The following AFF2 variants were observed in gnomAD, a reference collection of about 807,000 sequenced individuals.
AFF2 encodes ALF transcription elongation factor 2, also known as AF4/FMR2 family member 2.
In AFF2, 14 loss-of-function variants were observed where a neutral mutation model predicts 76.9. The observed-to-expected ratio is 0.18, with a 90% confidence interval of 0.12 to 0.28. The LOEUF is 0.28. Ranked by LOEUF, AFF2 falls within the 10% of genes least tolerant of loss-of-function variation. AFF2 has a pLI of 1.00. For synonymous variants in AFF2, 398 were observed against 366.7 expected (o/e 1.09, Z -0.98); for missense variants, 868 against 1,001.1 (o/e 0.87, Z 1.79).
rs1172375356 is a variant in AFF2 at position 148,993,420 on chromosome X, CTT to C, written c.*2090_*2091del. ...GACTTTGCAGTGACTCAAGTTGTCTCTTTATCATGGTTTACCAGGTAGAGTGC... is the reference window on the plus strand; with the variant it reads ...GACTTTGCAGTGACTCAAGTTGTCTCTATCATGGTTTACCAGGTAGAGTGC... On this transcript the variant is annotated 3_prime_UTR_variant, in exon 21 of 21. Coordinates refer to ENST00000370460, the MANE Select transcript of AFF2 (RefSeq NM_002025.4). The C allele has an allele frequency of 8.9e-6, 1 of 112,182 alleles. No homozygotes were observed. The highest frequency in any genetic ancestry group is 9.4e-5 in the Admixed American group (1 of 10,589). The allele number at this position is 112,182 out of a possible 1,213,427, so 9.2% of individuals were successfully genotyped here. A position where few individuals can be genotyped will look rare whatever the true frequency, so the allele number is the denominator to read the frequency against.
In AFF2 at chrX:148,501,133, G is replaced by T; in HGVS notation, c.36G>T (p.Leu12Phe). 8.3e-7 allele frequency: 1 copy of T among 1,211,072 alleles called. No individual in the cohort carries two copies. The highest frequency in any genetic ancestry group is 1.1e-6 in the Non-Finnish European group (1 of 894,969). ...TCGACTTTTTCAGAGACTGGGACTT[G>T]GAGCAGCAGTGGTAGGTGTTGATTT... ...DLFDFFRDWD[L>F]EQQCHYEQDR... is the part of the protein sequence containing the mutation. The change falls in exon 1 of 21, where the codon TTG becomes TTT. Residue 12 changes from leucine (L) to phenylalanine (F), a missense_variant. Physicochemically the swap from Leu to Phe is conservative, Grantham distance 22 (BLOSUM62 0). Around this residue, in one of 6 missense-constraint regions of AFF2, gnomAD observed 196 missense variants for 194.8 expected, o/e 1.01. Coordinates refer to ENST00000370460, the MANE Select transcript of AFF2 (RefSeq NM_002025.4).
chrX:148,581,428 A>G lies in AFF2; in HGVS notation c.48-70571A>G, dbSNP rs1377130531. 9.5e-5 allele frequency among the ~76,000 whole-genome samples: 6 copies of G among 63,179 alleles called. 2 individuals carry two copies. Among genetic ancestry groups the G allele is most frequent in the African/African-American group, 2.5e-4 (5 of 19,695 alleles). The allele number at this position is 63,179 out of a possible 115,157, so 54.9% of individuals were successfully genotyped here. ...TGTACACACATATACGTATACGTCT[A>G]CGTGTACACACATATATACGTATAC... On this transcript the variant is annotated intron_variant, in intron 1 of 20. Coordinates refer to ENST00000370460, the MANE Select transcript of AFF2 (RefSeq NM_002025.4).
chrX:148,720,290 C>T (rs1323863487), intron 3 of AFF2, among the ~76,000 whole-genome samples: 4 of 110,304 alleles, frequency 3.6e-5, no homozygotes, highest in African/African-American at 9.9e-5. Context: ...AGAAACCATG[C>T]GCAAATGTAC....
At chrX:148,541,569 A>G (rs1479448899) in intron 1 of AFF2, among the ~76,000 whole-genome samples, 4 of 111,606 alleles carry the variant, frequency 3.6e-5, no homozygotes, top group Admixed American at 2.9e-4. Flanking sequence ...TCAAAAAGGC[A>G]TCTTCTTTTT....
chrX:148,837,063 C>T (rs782773191), intron 4 of AFF2, among the ~76,000 whole-genome samples: 1 of 111,779 alleles, frequency 8.9e-6, no homozygotes, highest in Non-Finnish European at 1.9e-5. Flanking sequence ...CAGAAGGCAG[C>T]GACAGTACTG....
chrX:148,708,253 A>G (rs1284623980), intron 3 of AFF2, among the ~76,000 whole-genome samples: 2 of 112,051 alleles, frequency 1.8e-5, no homozygotes, highest in Non-Finnish European at 3.8e-5. Flanking sequence ...CATTCTAGAG[A>G]TATTGAAAAC....
intron 3 of AFF2, 70 bp downstream of exon 3, chrX:148,662,838 G>A: frequency 9.4e-7 from 1 of 1,068,105 alleles, no homozygotes; most frequent in South Asian, 2.3e-5. Context: ...CTATAATCCA[G>A]TATTCACAAG....
intron 1 of AFF2, among the ~76,000 whole-genome samples, chrX:148,600,370 G>A (rs1231263581): frequency 9.0e-6 from 1 of 111,550 alleles, no homozygotes; most frequent in Non-Finnish European, 1.9e-5. Context: ...TCCTCTGCCG[G>A]CCTAAATCCA....
chrX:148,567,904 C>A (rs782772188), intron 1 of AFF2, among the ~76,000 whole-genome samples: 1 of 111,501 alleles, frequency 9.0e-6, no homozygotes, highest in East Asian at 2.8e-4. Flanking sequence ...TCAGGAGGAG[C>A]GAGGTGTTCT....
At chrX:148,835,118 C>T (rs1160287594) in intron 4 of AFF2, among the ~76,000 whole-genome samples, 2 of 111,658 alleles carry the variant, frequency 1.8e-5, no homozygotes, top group Non-Finnish European at 3.8e-5. Context: ...ATACAGAAAA[C>T]CTAGGGGAAA....
chrX:148,951,675 CTTTA>C lies in AFF2; in HGVS notation c.1398-1900_1398-1897del, dbSNP rs1403230707. Among the ~76,000 whole-genome samples, 5 of 111,769 alleles carry C rather than the reference CTTTA, an allele frequency of 4.5e-5. No individual in the cohort carries two copies. In the Admixed American group the frequency reaches 4.7e-4, roughly 11 times the overall value. ...TCACTTAGATTTCTGTTCTCTCAAT[CTTTA>C]TTTAGTAACCGAAGACAAAAACAAT... On this transcript the variant is annotated intron_variant, in intron 9 of 20. Coordinates refer to ENST00000370460, the MANE Select transcript of AFF2 (RefSeq NM_002025.4).
At chrX:148,530,657 G>A (rs1157521688) in intron 1 of AFF2, among the ~76,000 whole-genome samples, 1 of 111,111 alleles carries the variant, frequency 9.0e-6, no homozygotes, top group African/African-American at 3.3e-5. Context: ...TCACCAGCAG[G>A]TGCTGAGGAC....
intron 8 of AFF2, among the ~76,000 whole-genome samples, chrX:148,897,128 C>A (rs1456344832): frequency 1.0e-5 from 1 of 96,865 alleles, no homozygotes; most frequent in Non-Finnish European, 2.1e-5. Context: ...AGGGCAAACA[C>A]CATTGTTGCC....
chrX:148,910,438 A>G (rs1569556929), intron 9 of AFF2, among the ~76,000 whole-genome samples: 1 of 112,721 alleles, frequency 8.9e-6, no homozygotes, highest in Non-Finnish European at 1.9e-5. Context: ...CAGAAAAGAT[A>G]AAATCGGTTT....
chrX:148,799,698 T>C (rs1457490502), intron 3 of AFF2, among the ~76,000 whole-genome samples: 1 of 112,259 alleles, frequency 8.9e-6, no homozygotes, highest in Non-Finnish European at 1.9e-5. Context: ...TATTGGCTTA[T>C]TTGTTATTGG....
At chrX:148,756,193 A>T (rs980555362) in intron 3 of AFF2, among the ~76,000 whole-genome samples, 2 of 112,716 alleles carry the variant, frequency 1.8e-5, no homozygotes, top group Non-Finnish European at 3.8e-5. Flanking sequence ...GTTCTTTAGG[A>T]TCACATGAAA....
chrX:148,763,609 G>C (rs782141943), intron 3 of AFF2, among the ~76,000 whole-genome samples: 7 of 110,929 alleles, frequency 6.3e-5, no homozygotes, highest in Non-Finnish European at 7.6e-5. Flanking sequence ...GAGATAATAC[G>C]AAAAAATGAA....
chrX:148,637,445 C>T (rs1183991907), intron 1 of AFF2, among the ~76,000 whole-genome samples: 1 of 112,038 alleles, frequency 8.9e-6, no homozygotes, highest in African/African-American at 3.2e-5. Context: ...TGTCCTGAGG[C>T]ACAGCACTGA....
At chrX:148,616,563 C>CTT (rs782081096) in intron 1 of AFF2, among the ~76,000 whole-genome samples, 6 of 106,090 alleles carry the variant, frequency 5.7e-5, no homozygotes, top group African/African-American at 2.1e-4. Context: ...ACAACATTTT[C>CTT]TTTTTTTTTT....
Sources: allele counts gnomAD v4.1 joint callset (sites outside exome capture counted in the v4.1 genomes callset), GRCh38; gene constraint gnomAD v4.1.1; regional missense constraint gnomAD v4.1.1; transcripts MANE v1.5; gene names NCBI Gene and HGNC (gene_info 2026-07-23, HGNC 2026-07-21).